Variants in P2RX6 observed in about 807,000 individuals in gnomAD.
P2RX6 encodes the protein P2X purinoceptor 6.
A neutral mutation model predicts 54.2 loss-of-function variants in P2RX6; 62 were observed. The ratio of observed to expected loss-of-function variants is 1.14; its 90% CI spans 0.93 to 1.41. The LOEUF (loss-of-function observed/expected upper bound fraction) is 1.41. Ranked by LOEUF, P2RX6 falls within the 40% of genes most tolerant of loss-of-function variation. The pLI is 0.00. For missense variants in P2RX6, 541 were observed against 566.3 expected (o/e 0.96, Z 0.45); for synonymous variants, 211 against 231.9 (o/e 0.91, Z 0.82).
chr22:21,011,643 C>T, upstream of P2RX6: 2 of 700,838 alleles, frequency 2.9e-6, no homozygotes, highest in East Asian at 5.4e-5. Context: ...AGGTACCACC[C>T]CCCTCCCCCC....
chr22:21,019,463 G>A (rs533621054), intron 3 of P2RX6, among the ~76,000 whole-genome samples: 18 of 152,258 alleles, frequency 1.2e-4, no homozygotes, highest in Admixed American at 2.6e-4. Context: ...ACAGGTGCCC[G>A]CCACTGTGCC....
intron 3 of P2RX6, among the ~76,000 whole-genome samples, chr22:21,019,402 G>A (rs771704154): frequency 5.3e-5 from 8 of 152,148 alleles, no homozygotes; most frequent in South Asian, 4.1e-4. Flanking sequence ...TGCAACCTCC[G>A]CCTCCTGGGT....
chr22:21,011,757 C>G (rs1381871265), upstream of P2RX6, among the ~76,000 whole-genome samples: 1 of 151,716 alleles, frequency 6.6e-6, no homozygotes, highest in East Asian at 1.9e-4. Flanking sequence ...ATGGCTGGGT[C>G]CCCTCTGCCC....
chr22:21,015,469 G>C (rs906024925), intron 1 of P2RX6, 131 bp downstream of exon 1: 2 of 1,002,216 alleles, frequency 2.0e-6, no homozygotes, highest in Non-Finnish European at 2.9e-6. Context: ...AGATTGGGAC[G>C]GGGTTGGGGA....
At chr22:21,025,745 G>A in intron 8 of P2RX6, 60 bp from the exon 9 acceptor site, 1 of 1,321,602 alleles carries the variant, frequency 7.6e-7, no homozygotes, top group Non-Finnish European at 1.1e-6. Context: ...GGTCTGGCAG[G>A]GCCAGCCCCA....
At position 21,026,948 on chromosome 22, in the gene P2RX6, C is replaced by G. The variant is rs1928563816; in HGVS notation, c.*331C>G. On this transcript the variant is annotated 3_prime_UTR_variant, in exon 12 of 12. Coordinates refer to ENST00000413302, the MANE Select transcript of P2RX6 (RefSeq NM_005446.5). The surrounding 1 kb of genome is among the most constrained non-coding windows in gnomAD (Gnocchi z 4.0). ...CTCCCAGTGCTCTGTCCCCAGTGTT[C>G]CTAGCAGAGGTATGCTTACCAGCTG... 3 of 383,046 alleles carry G rather than the reference C, an allele frequency of 7.8e-6. No individual in the cohort carries two copies. Among genetic ancestry groups the G allele is most frequent in the Non-Finnish European group, 9.6e-6 (2 of 209,242 alleles). The allele number at this position is 383,046 out of a possible 1,614,324, so 23.7% of individuals were successfully genotyped here. A position where few individuals can be genotyped will look rare whatever the true frequency, so the allele number is the denominator to read the frequency against.
Position 21,027,071 on chromosome 22 carries a change from G to C in P2RX6, c.*454G>C, listed in dbSNP as rs919187659. On this transcript the variant is annotated 3_prime_UTR_variant, in exon 12 of 12. Transcript: ENST00000413302. ...CCCACCCTCCCATCGGTCCTACATG[G>C]GGCTGTGCAGCTGGAGCCAAAAAGG... is the stretch of plus-strand genomic sequence containing the variant. The C allele has an allele frequency of 5.6e-6, 1 of 177,872 alleles. No individual in the cohort carries two copies. The highest frequency in any genetic ancestry group is 2.4e-5 in the African/African-American group (1 of 42,090). The allele number at this position is 177,872 out of a possible 1,614,324, so 11.0% of individuals were successfully genotyped here.
upstream of P2RX6, chr22:21,012,411 C>T: frequency 2.7e-6 from 1 of 374,072 alleles, no homozygotes; most frequent in South Asian, 2.8e-5. Flanking sequence ...CCTCCTCTAT[C>T]CACCAGCAAC....
upstream of P2RX6, among the ~76,000 whole-genome samples, chr22:21,013,584 C>T (rs1384761526): frequency 6.6e-6 from 1 of 152,168 alleles, no homozygotes; most frequent in African/African-American, 2.4e-5. Flanking sequence ...AAGACCCTGG[C>T]TCTAATAAAT....
intron 7 of P2RX6, 35 bp from the exon 8 acceptor site, chr22:21,023,474 C>T (rs768197418): frequency 6.2e-7 from 1 of 1,613,468 alleles, no homozygotes; most frequent in Non-Finnish European, 8.5e-7. Flanking sequence ...GTCCCGGGCC[C>T]ACCCACCGGT....
intron 3 of P2RX6, 57 bp from the exon 4 acceptor site, chr22:21,022,619 G>A: frequency 7.5e-7 from 1 of 1,328,690 alleles, no homozygotes; most frequent in Non-Finnish European, 1.0e-6. Context: ...TTGAGACTGG[G>A]CTGTGGAGGG....
upstream of P2RX6, chr22:21,013,103 CAGA>C (rs1925843935): frequency 6.1e-6 from 1 of 163,090 alleles, no homozygotes; most frequent in Non-Finnish European, 1.4e-5. Context: ...GCACAGAAAG[CAGA>C]AGATGGGCAC....
At chr22:21,017,870 G>A (rs1270152379) in intron 2 of P2RX6, 119 bp from the exon 3 acceptor site, 3 of 723,542 alleles carry the variant, frequency 4.1e-6, no homozygotes, top group African/African-American at 3.5e-5. Flanking sequence ...CCTTACAGGG[G>A]GACAGGGTTA....
chr22:21,018,134 T>A, intron 3 of P2RX6, 74 bp downstream of exon 3: 1 of 955,198 alleles, frequency 1.0e-6, no homozygotes, highest in South Asian at 1.4e-5. Context: ...CGTGTTTCCC[T>A]TTCCCCTTCC....
At position 21,023,737 on chromosome 22, in the gene P2RX6, GTC is replaced by G. The variant is rs891209251; in HGVS notation, c.890+120_890+121del. The G allele has an allele frequency of 7.0e-6, 5 of 717,026 alleles. No individual in the cohort carries two copies. The African/African-American group carries it at 7.1e-5, about 10-fold the overall frequency. 44.4% of individuals were successfully genotyped at this position (717,026 alleles called of 1,614,324 possible). The stretch of plus-strand genomic sequence containing the variant: ...GATATTCCACTACGTGTGCAAGGGG[GTC>G]CCAGGAGCAGGAGAGAGCTGTTCTC... On this transcript the variant is annotated intron_variant, in intron 8 of 11. Transcript: ENST00000413302.
At chr22:21,020,741 A>G (rs981944645) in intron 3 of P2RX6, among the ~76,000 whole-genome samples, 9 of 151,898 alleles carry the variant, frequency 5.9e-5, no homozygotes, top group African/African-American at 1.9e-4. Flanking sequence ...ACAGGCACAC[A>G]CCACCACACT....
At chr22:21,018,317 C>T (rs1330845249) in intron 3 of P2RX6, 1 of 469,906 alleles carries the variant, frequency 2.1e-6, no homozygotes, top group African/African-American at 2.0e-5. Context: ...TTCTTAAGGC[C>T]TCCAGGCCTG....
At chr22:21,019,384 C>T (rs149865691) in intron 3 of P2RX6, among the ~76,000 whole-genome samples, 3,440 of 152,296 alleles carry the variant, frequency 0.023, 88 homozygotes, top group African/African-American at 0.066. Context: ...GGCACGATCT[C>T]GGCTCACTGC....
upstream of P2RX6, among the ~76,000 whole-genome samples, chr22:21,014,682 G>T (rs1016152931): frequency 1.4e-4 from 21 of 152,172 alleles, no homozygotes; most frequent in Admixed American, 6.5e-5. Context: ...CTCTCACTCT[G>T]TGCCTCTTAG....
Sources: gnomAD v4.1 joint callset for allele counts (sites outside exome capture counted in the v4.1 genomes callset) on GRCh38, gnomAD v4.1.1 for gene constraint, Gnocchi (gnomAD v3.1) non-coding constraint, MANE v1.5 for transcripts, NCBI Gene and HGNC (gene_info 2026-07-23, HGNC 2026-07-21) for gene names.